The following RPH3AL variants were observed in gnomAD, a reference collection of about 807,000 sequenced individuals.
RPH3AL encodes rabphilin 3A like (without C2 domains), also known as rab effector Noc2.
Under a neutral mutation model 43.1 loss-of-function variants are expected in RPH3AL, and 38 were observed. The observed-to-expected ratio is 0.88, with a 90% CI of 0.68 to 1.15. RPH3AL has a LOEUF of 1.15. Among genes scored for constraint, RPH3AL ranks in the 50% most tolerant of loss-of-function variants. RPH3AL has a pLI of 0.00. For synonymous variants in RPH3AL, 189 were observed against 176.3 expected, an observed-to-expected ratio of 1.07 and a Z score of -0.57; for missense variants, 462 against 423.2, an observed-to-expected ratio of 1.09 and a Z score of -0.81.
intron 1 of RPH3AL, among the ~76,000 whole-genome samples, chr17:343,448 C>A (rs1416195404): frequency 6.6e-6 from 1 of 152,350 alleles, no homozygotes; most frequent in Middle Eastern, 3.4e-3. Flanking sequence ...CTGATGAATT[C>A]TCTTCTTCTG....
At chr17:271,136 T>A (rs1273132968) in intron 6 of RPH3AL, among the ~76,000 whole-genome samples, 7 of 152,206 alleles carry the variant, frequency 4.6e-5, no homozygotes, top group African/African-American at 1.7e-4. Context: ...TTGGTCTATA[T>A]CTCTGTTTTG....
chr17:305,258 C>G lies in RPH3AL; in HGVS notation c.351+14162G>C, dbSNP rs373913908. Among the ~76,000 whole-genome samples the G allele has an allele frequency of 4.5e-4, 69 of 152,064 alleles. No individual in the cohort carries two copies. In the South Asian group the frequency reaches 0.013, roughly 28 times the overall value. On this transcript the variant is annotated intron_variant, in intron 5 of 9. Coordinates refer to ENST00000331302, the MANE Select transcript of RPH3AL (RefSeq NM_006987.4). ...TACAACCTCGTGTCCAGGCACCGGC[C>G]GAGTTGGGACTCAGGGTCAAAGCCA...
At chr17:312,025 C>T (rs1480386820) in intron 5 of RPH3AL, among the ~76,000 whole-genome samples, 3 of 152,006 alleles carry the variant, frequency 2.0e-5, no homozygotes, top group African/African-American at 4.8e-5. Context: ...AGGGAGAGGC[C>T]GGGTGCTGTG....
At chr17:315,658 A>C (rs1555520244) in intron 5 of RPH3AL, among the ~76,000 whole-genome samples, 29 of 148,472 alleles carry the variant, frequency 2.0e-4, no homozygotes, top group East Asian at 4.1e-4. Context: ...CCTGTGCTCC[A>C]CCTCCACTGA....
At chr17:271,574 G>A (rs2042463808) in intron 6 of RPH3AL, among the ~76,000 whole-genome samples, 1 of 152,140 alleles carries the variant, frequency 6.6e-6, no homozygotes, top group Non-Finnish European at 1.5e-5. Context: ...TTGGTACTCT[G>A]TTATTGATGT....
At position 315,774 on chromosome 17, in the gene RPH3AL, GA is replaced by G. The variant is rs1567511394; in HGVS notation, c.351+3645del. ...ACATCCATTGACCTTTAGTCCCCGT[GA>G]CCCCATCTCTATTGACCTGTAGTCC... On this transcript the variant is annotated intron_variant, in intron 5 of 9. Transcript: ENST00000331302. Among the ~76,000 whole-genome samples, 370 of 90,834 alleles carry G rather than the reference GA, an allele frequency of 4.1e-3. 29 individuals are homozygous for G. Among genetic ancestry groups the G allele is most frequent in the Middle Eastern group, 7.0e-3 (1 of 142 alleles). The allele number at this position is 90,834 out of a possible 152,430, so 59.6% of individuals were successfully genotyped here.
chr17:327,474 G>T lies in RPH3AL; in HGVS notation c.70C>A (p.Arg24=). 1 of 1,613,864 alleles carries T rather than the reference G, an allele frequency of 6.2e-7. No homozygotes were observed. The highest frequency in any genetic ancestry group is 8.5e-7 in the Non-Finnish European group (1 of 1,179,920). ...GGCCCCAGAGGTACTCACTTGGCTCGAAGGGCAAGCTGCCGGTCATTGGGG... is the reference window on the plus strand; with the variant it reads ...GGCCCCAGAGGTACTCACTTGGCTCTAAGGGCAAGCTGCCGGTCATTGGGG... The part of the protein sequence containing the change: ...VCPNDRQLAL[R]AKLQTGWSVH... Residue 24 remains arginine (R), a synonymous_variant, in exon 3 of 10, where the codon CGA becomes AGA. Transcript: ENST00000331302.
chr17:341,551 T>C (rs1567538805), intron 1 of RPH3AL: 5 of 152,134 alleles, frequency 3.3e-5, no homozygotes. Context: ...GAAATTCGTA[T>C]AAGGAATGTC....
intron 6 of RPH3AL, among the ~76,000 whole-genome samples, chr17:268,594 G>A (rs1050846636): frequency 3.7e-5 from 4 of 106,846 alleles, no homozygotes; most frequent in African/African-American, 1.1e-4. Context: ...AGGATCTCAC[G>A]CTGTTGCCCA....
In RPH3AL at chr17:327,557, C is replaced by T. The variant is rs1262497446; in HGVS notation, c.-14G>A. ...GGTGTCGGCCATGGCTCGGAGCACCCGGCTGGGGGTGGGGAGTCACATCTG... is the reference window on the plus strand; with the variant it reads ...GGTGTCGGCCATGGCTCGGAGCACCTGGCTGGGGGTGGGGAGTCACATCTG... On this transcript the variant is annotated 5_prime_UTR_variant, in exon 3 of 10. Coordinates refer to ENST00000331302, the MANE Select transcript of RPH3AL (RefSeq NM_006987.4). 3.9e-5 allele frequency: 63 copies of T among 1,612,858 alleles called. No individual in the cohort carries two copies. The highest frequency in any genetic ancestry group is 8.8e-5 in the South Asian group (8 of 91,072).
Position 304,912 on chromosome 17 carries a change from T to G in RPH3AL, c.351+14508A>C, listed in dbSNP as rs2043426736. 6.0e-5 allele frequency among the ~76,000 whole-genome samples: 7 copies of G among 117,602 alleles called. 3 individuals are homozygous for G. The highest frequency in any genetic ancestry group is 6.6e-4 in the South Asian group (2 of 3,022). The allele number at this position is 117,602 out of a possible 152,430, so 77.2% of individuals were successfully genotyped here. A position where few individuals can be genotyped will look rare whatever the true frequency, so the allele number is the denominator to read the frequency against. On this transcript the variant is annotated intron_variant, in intron 5 of 9. Coordinates refer to ENST00000331302, the MANE Select transcript of RPH3AL (RefSeq NM_006987.4). Reference sequence around the variant, plus strand: ...GCGCCACGAGCTCCTAGGGCCAGAGTGCAAGAGAGGCACAGGGCGAGAGGG... The same window carrying G: ...GCGCCACGAGCTCCTAGGGCCAGAGGGCAAGAGAGGCACAGGGCGAGAGGG...
rs2044545907 is a variant in RPH3AL at position 323,852 on chromosome 17, GCGAGGCAGGCC to G, written c.78-2448_78-2438del. ...GACAGTCCAGACCCTCAGTCACCTT[GCGAGGCAGGCC>G]TGGACCCTCAGTCACCCCCCAAGGC... is the stretch of plus-strand genomic sequence containing the variant. On this transcript the variant is annotated intron_variant, in intron 3 of 9. Transcript: ENST00000331302. This position sits in a 1 kb window ranked among gnomAD's most constrained non-coding sequence, Gnocchi z 4.4. Among the ~76,000 whole-genome samples the G allele has an allele frequency of 1.3e-5, 2 of 150,606 alleles. No homozygotes were observed. The highest frequency in any genetic ancestry group is 3.0e-5 in the Non-Finnish European group (2 of 67,576).
chr17:289,309 A>G lies in RPH3AL; in HGVS notation c.352-7455T>C, dbSNP rs1044324813. ...GTCTCAGTGAAGGCAGCCAGCATCC[A>G]TCAGTCACACAAGCCACAACCCAGC... On this transcript the variant is annotated intron_variant, in intron 5 of 9. Coordinates refer to ENST00000331302, the MANE Select transcript of RPH3AL (RefSeq NM_006987.4). The surrounding 1 kb of genome is among the most constrained non-coding windows in gnomAD (Gnocchi z 5.2). Among the ~76,000 whole-genome samples, 1 of 152,100 alleles carries G rather than the reference A, an allele frequency of 6.6e-6. No homozygotes were observed. The highest frequency in any genetic ancestry group is 1.9e-4 in the East Asian group (1 of 5,192).
chr17:299,670 G>A (rs551318009), intron 5 of RPH3AL, among the ~76,000 whole-genome samples: 22 of 152,360 alleles, frequency 1.4e-4, no homozygotes, highest in African/African-American at 4.8e-4. Flanking sequence ...CAGGCCTCCC[G>A]AAGTGTGCCA....
At chr17:273,090 C>A in intron 6 of RPH3AL, among the ~76,000 whole-genome samples, 1 of 132,754 alleles carries the variant, frequency 7.5e-6, no homozygotes, top group African/African-American at 2.8e-5. Context: ...GAGACCCCAG[C>A]GAGGGTGACG....
Position 346,624 on chromosome 17 carries a change from T to C in RPH3AL, c.-213+6088A>G, listed in dbSNP as rs111237479. On this transcript the variant is annotated intron_variant, in intron 1 of 9. Coordinates refer to ENST00000331302, the MANE Select transcript of RPH3AL (RefSeq NM_006987.4). ...AACAGGTGGGAATGCAAGATGAGATTTGGGTGGGGACACAGCCAAACCATA... is the reference window on the plus strand; with the variant it reads ...AACAGGTGGGAATGCAAGATGAGATCTGGGTGGGGACACAGCCAAACCATA... Among the ~76,000 whole-genome samples the C allele has an allele frequency of 4.2e-3, 565 of 135,028 alleles. 74 individuals carry two copies. The highest frequency in any genetic ancestry group is 0.014 in the African/African-American group (538 of 39,308). 88.6% of individuals were successfully genotyped at this position (135,028 alleles called of 152,430 possible).
chr17:311,097 A>G (rs944896820), intron 5 of RPH3AL, among the ~76,000 whole-genome samples: 7 of 151,944 alleles, frequency 4.6e-5, no homozygotes, highest in Non-Finnish European at 1.5e-5. Context: ...TTCACTGCTC[A>G]AATGCAGCTC....
chr17:298,143 G>A (rs967372687), intron 5 of RPH3AL, among the ~76,000 whole-genome samples: 1 of 152,122 alleles, frequency 6.6e-6, no homozygotes, highest in Non-Finnish European at 1.5e-5. Context: ...CCATGACCCA[G>A]TGCCAGGGTC....
chr17:293,217 C>T (rs1206305880), intron 5 of RPH3AL, among the ~76,000 whole-genome samples: 1 of 152,198 alleles, frequency 6.6e-6, no homozygotes, highest in Non-Finnish European at 1.5e-5. Context: ...GGCTTTCAAG[C>T]TCGGCTTCCA....
Sources: allele counts gnomAD v4.1 joint callset (sites outside exome capture counted in the v4.1 genomes callset), GRCh38; gene constraint gnomAD v4.1.1; non-coding constraint Gnocchi (gnomAD v3.1); transcripts MANE v1.5; gene names NCBI Gene and HGNC (gene_info 2026-07-23, HGNC 2026-07-21).